The following XRN2 variants were observed in gnomAD, a reference collection of about 807,000 sequenced individuals.
XRN2 encodes the protein DHM1-like protein.
Under a neutral mutation model 138.5 loss-of-function variants are expected in XRN2, and 44 were observed. That is an observed-to-expected ratio of 0.32 (90% confidence interval 0.25 to 0.41). The LOEUF (loss-of-function observed/expected upper bound fraction) is 0.41. Ranked by LOEUF, XRN2 falls within the 10% of genes least tolerant of loss-of-function variation. The probability of loss-of-function intolerance (pLI) is 1.00; values close to 1 mark genes in which losing one functional copy is unlikely to be tolerated. For synonymous variants in XRN2, 354 were observed against 369.4 expected (o/e 0.96, Z 0.48); for missense variants, 937 against 1,169.3 (o/e 0.80, Z 2.90).
intron 20 of XRN2, 39 bp from the exon 21 acceptor site, chr20:21,354,750 C>A: frequency 1.3e-6 from 2 of 1,592,334 alleles, no homozygotes; most frequent in Non-Finnish European, 1.7e-6. Flanking sequence ...TTGGGTGATC[C>A]TGGTAGCAGG....
chr20:21,328,410 T>G (rs999235234), intron 3 of XRN2, 149 bp from the exon 4 acceptor site: 20 of 750,722 alleles, frequency 2.7e-5, no homozygotes, highest in Non-Finnish European at 3.9e-5. Flanking sequence ...CAGCATCTGG[T>G]ATCTGTCATG....
At chr20:21,323,560 A>T (rs1351241522) in intron 1 of XRN2, among the ~76,000 whole-genome samples, 1 of 152,182 alleles carries the variant, frequency 6.6e-6, no homozygotes, top group African/African-American at 2.4e-5. Flanking sequence ...TCTTCTCTTG[A>T]TGAAAGGAAT....
intron 15 of XRN2, among the ~76,000 whole-genome samples, chr20:21,341,931 C>A (rs2038377638): frequency 6.6e-6 from 1 of 152,010 alleles, no homozygotes; most frequent in Non-Finnish European, 1.5e-5. Context: ...CCAGTATTAT[C>A]TTCAGGCCCG....
At chr20:21,318,413 G>A (rs1421063442) in intron 1 of XRN2, among the ~76,000 whole-genome samples, 4 of 151,456 alleles carry the variant, frequency 2.6e-5, no homozygotes, top group East Asian at 1.9e-4. Flanking sequence ...TTAAATTTTC[G>A]TTTCATTAAT....
intron 27 of XRN2, among the ~76,000 whole-genome samples, chr20:21,377,021 A>G (rs1395564918): frequency 6.6e-6 from 1 of 151,228 alleles, no homozygotes; most frequent in Non-Finnish European, 1.5e-5. Flanking sequence ...GCTCTTGGTT[A>G]TAAAAAAAAC....
intron 1 of XRN2, among the ~76,000 whole-genome samples, chr20:21,319,222 G>A (rs2038004504): frequency 6.6e-6 from 1 of 151,970 alleles, no homozygotes; most frequent in South Asian, 2.1e-4. Flanking sequence ...TGTGGTTGCT[G>A]TCTGCATGAT....
chr20:21,369,849 G>A (rs2038742225), intron 27 of XRN2, among the ~76,000 whole-genome samples: 1 of 151,946 alleles, frequency 6.6e-6, no homozygotes, highest in South Asian at 2.1e-4. Flanking sequence ...TGTTTCCTTT[G>A]CTGTGCAGAA....
At chr20:21,328,791 C>CA in intron 4 of XRN2, 121 bp downstream of exon 4, 2 of 842,744 alleles carry the variant, frequency 2.4e-6, no homozygotes, top group Admixed American at 5.1e-5. Flanking sequence ...CCAGAATATC[C>CA]AGTGTTCACT....
rs756406590 is a variant in XRN2, at chr20:21,330,120, TA to T, written c.428-356del. On this transcript the variant is annotated intron_variant, in intron 4 of 29. Coordinates refer to ENST00000377191, the MANE Select transcript of XRN2 (RefSeq NM_012255.5). ...CAACACAATGAAACTGCGTCTCTAC[TA>T]AAAATACAAAAATTAGCCAGGCGTG... is the stretch of plus-strand genomic sequence containing the variant. Among the ~76,000 whole-genome samples, 45 of 152,132 alleles carry T rather than the reference TA, an allele frequency of 3.0e-4. No homozygotes were observed. In the East Asian group the frequency reaches 7.2e-3, roughly 24 times the overall value.
intron 1 of XRN2, 187 bp downstream of exon 1, chr20:21,303,660 G>C: frequency 7.5e-7 from 1 of 1,336,818 alleles, no homozygotes; most frequent in Non-Finnish European, 9.5e-7. Flanking sequence ...CACCCCGGGG[G>C]CGAGGAATTC....
intron 1 of XRN2, among the ~76,000 whole-genome samples, chr20:21,321,969 T>C (rs1483483221): frequency 1.3e-5 from 2 of 152,212 alleles, no homozygotes; most frequent in Non-Finnish European, 2.9e-5. Context: ...TCTAGTGAAA[T>C]TACAATTAAT....
Position 21,333,361 on chromosome 20 carries a change from A to T in XRN2, c.859-183A>T, listed in dbSNP as rs192000063. On this transcript the variant is annotated intron_variant, in intron 9 of 29. Coordinates refer to ENST00000377191, the MANE Select transcript of XRN2 (RefSeq NM_012255.5). ...TGCAGAAAATGTTTGCTGACCCCTG[A>T]TCTAGACGTGGTTGATTTTATGGGT... is the stretch of plus-strand genomic sequence containing the variant. Among the ~76,000 whole-genome samples, 19 of 152,330 alleles carry T rather than the reference A, an allele frequency of 1.2e-4. No homozygotes were observed. The East Asian group carries it at 3.5e-3, about 28-fold the overall frequency.
Position 21,344,105 on chromosome 20 carries a change from C to T in XRN2, c.1426C>T (p.Pro476Ser). ...TTGTCTGCAGAGTCCTTCGATATCT[C>T]CTAATACGAGTTTCACATCTGATGG... is the stretch of plus-strand genomic sequence containing the variant. ...MQNNSSPSIS[P>S]NTSFTSDGSP... Residue 476 changes from proline (P) to serine (S), a missense_variant, in exon 16 of 30, where the codon CCT (proline) becomes TCT (serine). Physicochemically the swap from Pro to Ser is moderately conservative, Grantham distance 74. Transcript: ENST00000377191. 4 of 1,612,454 alleles carry T rather than the reference C, an allele frequency of 2.5e-6. No homozygotes were observed. The highest frequency in any genetic ancestry group is 1.3e-5 in the African/African-American group (1 of 74,982).
In XRN2 at chr20:21,368,538, C is replaced by G; in HGVS notation, c.2532C>G (p.Asn844Lys). ...CACCACCTGTGACTTACCAGGGAAA[C>G]TTATACAGGCCGCTTTTGAGAGGAC... ...AAPPPVTYQG[N>K]LYRPLLRGQA... is the part of the protein sequence containing the mutation. Residue 844 changes from asparagine (N) to lysine (K), a missense_variant, in exon 27 of 30, where the codon AAC becomes AAG. Coordinates refer to ENST00000377191, the MANE Select transcript of XRN2 (RefSeq NM_012255.5). The G allele has an allele frequency of 6.2e-7, 1 of 1,614,054 alleles. No individual in the cohort carries two copies. The highest frequency in any genetic ancestry group is 8.5e-7 in the Non-Finnish European group (1 of 1,179,964).
At chr20:21,358,279 A>G (rs931412535) in intron 24 of XRN2, among the ~76,000 whole-genome samples, 5 of 152,362 alleles carry the variant, frequency 3.3e-5, no homozygotes, top group Middle Eastern at 3.4e-3. Flanking sequence ...TAGCAATTAT[A>G]AACTTAAAGG....
Position 21,365,299 on chromosome 20 carries a change from C to T in XRN2, c.2256-122C>T, listed in dbSNP as rs543653516. 4.8e-5 allele frequency: 43 copies of T among 896,530 alleles called. No individual in the cohort carries two copies. In the South Asian group the frequency reaches 6.2e-4, roughly 13 times the overall value. 55.5% of individuals were successfully genotyped at this position (896,530 alleles called of 1,614,324 possible). A position where few individuals can be genotyped will look rare whatever the true frequency, so the allele number is the denominator to read the frequency against. On this transcript the variant is annotated intron_variant, in intron 24 of 29. Coordinates refer to ENST00000377191, the MANE Select transcript of XRN2 (RefSeq NM_012255.5). ...GTGAGGAAGACATTTAGCCATTTGT[C>T]AAACCCATTTATTAACTAAAATAAT...
chr20:21,365,866 T>A (rs1196778518), intron 26 of XRN2, among the ~76,000 whole-genome samples, 162 bp downstream of exon 26: 1 of 86,232 alleles, frequency 1.2e-5, no homozygotes, highest in Admixed American at 1.3e-4. Flanking sequence ...ATATAATATA[T>A]AATTATATAT....
intron 1 of XRN2, among the ~76,000 whole-genome samples, chr20:21,312,371 G>A (rs1374076712): frequency 6.6e-6 from 1 of 152,028 alleles, no homozygotes; most frequent in Non-Finnish European, 1.5e-5. Flanking sequence ...TGGAATTACA[G>A]GTGTGAGCCA....
At chr20:21,363,817 T>C (rs1370400769) in intron 24 of XRN2, among the ~76,000 whole-genome samples, 2 of 152,212 alleles carry the variant, frequency 1.3e-5, no homozygotes, top group Non-Finnish European at 2.9e-5. Flanking sequence ...GAAAAATATG[T>C]TAAAGGAAAC....
Sources: allele counts gnomAD v4.1 joint callset (sites outside exome capture counted in the v4.1 genomes callset), GRCh38; gene constraint gnomAD v4.1.1; transcripts MANE v1.5; gene names NCBI Gene and HGNC (gene_info 2026-07-23, HGNC 2026-07-21).